Variants in PFKFB4 observed in about 807,000 individuals in gnomAD.
The protein encoded by PFKFB4 is 6-phosphofructo-2-kinase/fructose-2,6-biphosphatase 4, also known as 6-phosphofructo-2-kinase/fructose-2,6-bisphosphatase 4.
A neutral mutation model predicts 62.8 loss-of-function variants in PFKFB4; 42 were observed. The observed-to-expected ratio is 0.67, with a 90% CI of 0.52 to 0.86. The LOEUF (loss-of-function observed/expected upper bound fraction) is 0.86. PFKFB4 is among the 40% of genes least tolerant of loss of function. PFKFB4 has a pLI of 0.00. For synonymous variants in PFKFB4, 204 were observed against 240.7 expected (o/e 0.85, Z 1.41); for missense variants, 475 against 627.2 (o/e 0.76, Z 2.59).
chr3:48,535,768 G>T, intron 8 of PFKFB4, 110 bp from the exon 9 acceptor site: 2 of 1,304,132 alleles, frequency 1.5e-6, no homozygotes, highest in Non-Finnish European at 2.1e-6. Context: ...CTCACTACAG[G>T]TTTGGTAAAA....
chr3:48,546,623 T>G (rs1430078834), intron 3 of PFKFB4, among the ~76,000 whole-genome samples: 1 of 152,242 alleles, frequency 6.6e-6, no homozygotes, highest in Middle Eastern at 3.2e-3. Flanking sequence ...GCTTGTGAGG[T>G]TGGCCCTTGG....
intron 12 of PFKFB4, among the ~76,000 whole-genome samples, chr3:48,523,285 G>C (rs556525161): frequency 6.6e-6 from 1 of 152,276 alleles, no homozygotes; most frequent in Admixed American, 6.5e-5. Context: ...TCGGGAGGCA[G>C]AGGCAAGAGA....
At chr3:48,538,355 C>T (rs1349826132) in intron 7 of PFKFB4, 143 bp downstream of exon 7, 2 of 1,039,440 alleles carry the variant, frequency 1.9e-6, no homozygotes, top group Non-Finnish European at 2.8e-6. Context: ...ACATTTCTGC[C>T]CCAAGGAAAT....
upstream of PFKFB4, chr3:48,559,950 A>ACAC (rs2043407858): frequency 5.8e-6 from 1 of 173,484 alleles, no homozygotes; most frequent in African/African-American, 3.1e-5. Context: ...ACACACACAC[A>ACAC]GTCTCGCTCC....
intron 3 of PFKFB4, among the ~76,000 whole-genome samples, chr3:48,544,080 T>C (rs9917656): frequency 0.33 from 49,044 of 150,798 alleles, 8,469 homozygotes; most frequent in African/African-American, 0.41. Flanking sequence ...AGTGGTGCGA[T>C]CTCGGCTCAC....
intron 4 of PFKFB4, 87 bp downstream of exon 4, chr3:48,543,493 C>G: frequency 8.0e-7 from 1 of 1,247,010 alleles, no homozygotes; most frequent in Non-Finnish European, 1.2e-6. Context: ...ACCCTGCCTT[C>G]CCCTCCAGAT....
intron 1 of PFKFB4, among the ~76,000 whole-genome samples, chr3:48,552,306 A>C (rs1277394520): frequency 6.6e-6 from 1 of 152,240 alleles, no homozygotes; most frequent in Non-Finnish European, 1.5e-5. Context: ...CTTGGGACTC[A>C]GGGCATGGAG....
At chr3:48,550,401 T>A (rs1575398725) in intron 1 of PFKFB4, among the ~76,000 whole-genome samples, 167 bp from the exon 2 acceptor site, 1 of 152,166 alleles carries the variant, frequency 6.6e-6, no homozygotes, top group South Asian at 2.1e-4. Flanking sequence ...CAGATGCTGG[T>A]TTCAAGCCAC....
chr3:48,535,169 C>A (rs1274597516), intron 9 of PFKFB4, among the ~76,000 whole-genome samples: 1 of 152,172 alleles, frequency 6.6e-6, no homozygotes, highest in East Asian at 1.9e-4. Flanking sequence ...GTCTCCAGAT[C>A]CCTGGGAGGT....
intron 12 of PFKFB4, 92 bp from the exon 13 acceptor site, chr3:48,522,142 T>C (rs2042116463): frequency 1.8e-6 from 2 of 1,137,838 alleles, no homozygotes; most frequent in Admixed American, 3.5e-5. Context: ...GGTCTGGGCG[T>C]GTGGAATGGA....
At chr3:48,549,304 G>A (rs1341779897) in intron 3 of PFKFB4, among the ~76,000 whole-genome samples, 2 of 152,130 alleles carry the variant, frequency 1.3e-5, no homozygotes, top group African/African-American at 2.4e-5. Flanking sequence ...AAAGCCAATC[G>A]CACCAGCAAT....
At chr3:48,539,375 C>T (rs768808733) in intron 5 of PFKFB4, 65 bp from the exon 6 acceptor site, 5 of 1,382,626 alleles carry the variant, frequency 3.6e-6, no homozygotes, top group Middle Eastern at 2.0e-4. Context: ...CAGGGCCTCC[C>T]GCCTTGCTCC....
intron 7 of PFKFB4, 54 bp from the exon 8 acceptor site, chr3:48,536,517 G>T: frequency 7.1e-7 from 1 of 1,401,830 alleles, no homozygotes; most frequent in Non-Finnish European, 1.0e-6. Flanking sequence ...GGTTCTCACA[G>T]AGCACATCTG....
chr3:48,539,526 C>T (rs1044532433), intron 5 of PFKFB4, 171 bp downstream of exon 5: 7 of 715,976 alleles, frequency 9.8e-6, no homozygotes, highest in African/African-American at 7.1e-5. Context: ...CGAAAACCCC[C>T]TTCCCTCTGG....
intron 3 of PFKFB4, chr3:48,547,984 C>G (rs780478092): frequency 1.3e-5 from 2 of 152,198 alleles, no homozygotes; most frequent in Non-Finnish European, 2.9e-5. Flanking sequence ...GATTCGGATA[C>G]AGCAGAGAGG....
At chr3:48,560,889 G>A (rs747027120), upstream of PFKFB4, among the ~76,000 whole-genome samples, 3 of 151,028 alleles carry the variant, frequency 2.0e-5, no homozygotes, top group African/African-American at 7.3e-5. Flanking sequence ...CTTGCAGGGC[G>A]ACAGTTTTCC....
At chr3:48,528,150 G>A (rs747968426) in intron 9 of PFKFB4, among the ~76,000 whole-genome samples, 13 of 152,106 alleles carry the variant, frequency 8.5e-5, no homozygotes, top group Non-Finnish European at 1.6e-4. Flanking sequence ...AGAGAATGTG[G>A]CTAAACTGAG....
At chr3:48,544,342 C>T (rs1451036697) in intron 3 of PFKFB4, among the ~76,000 whole-genome samples, 1 of 151,572 alleles carries the variant, frequency 6.6e-6, no homozygotes, top group Non-Finnish European at 1.5e-5. Flanking sequence ...ACCACCCCTT[C>T]TGAGGGAGGG....
At chr3:48,530,272 A>AT (rs773397467) in intron 9 of PFKFB4, among the ~76,000 whole-genome samples, 13 of 152,116 alleles carry the variant, frequency 8.5e-5, no homozygotes, top group African/African-American at 2.9e-4. Context: ...ATAAATAAAT[A>AT]AAAATAAAAT....
Sources: gnomAD v4.1 joint callset for allele counts (sites outside exome capture counted in the v4.1 genomes callset) on GRCh38, gnomAD v4.1.1 for gene constraint, MANE v1.5 for transcripts, NCBI Gene and HGNC (gene_info 2026-07-23, HGNC 2026-07-21) for gene names.